The following KHDRBS3 variants were observed in gnomAD, a reference collection of about 807,000 sequenced individuals.
The protein encoded by KHDRBS3 is KH RNA binding domain containing, signal transduction associated 3.
KHDRBS3 carries 23 observed loss-of-function variants against 45.6 expected under a neutral mutation model. The observed-to-expected ratio is 0.50, with a 90% CI of 0.36 to 0.72. KHDRBS3 has a LOEUF of 0.72. Ranked by LOEUF, KHDRBS3 falls within the 30% of genes least tolerant of loss-of-function variation. The probability of loss-of-function intolerance (pLI) is 0.00; values close to 1 mark genes in which losing one functional copy is unlikely to be tolerated. For missense variants in KHDRBS3, 352 were observed against 424.8 expected (o/e 0.83, Z 1.51); for synonymous variants, 162 against 156.5 (o/e 1.04, Z -0.26).
chr8:135,489,676 A>G (rs1033622735), intron 1 of KHDRBS3, among the ~76,000 whole-genome samples: 8 of 152,196 alleles, frequency 5.3e-5, no homozygotes, highest in Non-Finnish European at 1.0e-4. Context: ...GCGAGACTCC[A>G]TCTCAAAACA....
At chr8:135,643,587 A>G (rs962901131) in intron 7 of KHDRBS3, among the ~76,000 whole-genome samples, 7 of 152,248 alleles carry the variant, frequency 4.6e-5, no homozygotes, top group Admixed American at 1.3e-4. Flanking sequence ...AAAAAGGAAC[A>G]TAGCTCCATT....
chr8:135,477,970 G>T (rs964543099), intron 1 of KHDRBS3, among the ~76,000 whole-genome samples: 2 of 152,198 alleles, frequency 1.3e-5, no homozygotes, highest in South Asian at 4.1e-4. Context: ...TACCACCTGA[G>T]CGCTGCCTCC....
chr8:135,520,343 C>T (rs1824844399), intron 1 of KHDRBS3, among the ~76,000 whole-genome samples: 1 of 152,070 alleles, frequency 6.6e-6, no homozygotes, highest in African/African-American at 2.4e-5. Context: ...CATGCAAGCA[C>T]CTAATTTTGT....
intron 5 of KHDRBS3, among the ~76,000 whole-genome samples, chr8:135,573,482 C>T (rs1472753091): frequency 1.3e-5 from 2 of 152,166 alleles, no homozygotes; most frequent in Admixed American, 1.3e-4. Context: ...TTACTACATG[C>T]CTGTTTTAGG....
chr8:135,556,568 T>G (rs1019882310), intron 4 of KHDRBS3, among the ~76,000 whole-genome samples: 11 of 152,216 alleles, frequency 7.2e-5, no homozygotes, highest in Non-Finnish European at 1.3e-4. Context: ...TTGCCCATTT[T>G]TTGATGGGGT....
chr8:135,557,535 C>T lies in KHDRBS3; in HGVS notation c.559C>T (p.Arg187Ter), dbSNP rs1826947996. Reference protein sequence around the residue: ...GSENADVPVVRGKPTLRTRGV... With the variant: ...GSENADVPVV ...AGAAAATGCAGATGTTCCAGTGGTT[C>T]GAGGGAAACCCACCTTGCGTACAAG... Residue 187 changes from arginine (R) to a stop codon, truncating the protein, a stop_gained, in exon 5 of 9, where the codon CGA (arginine) becomes TGA (stop). Transcript: ENST00000355849. LOFTEE classifies it high-confidence loss of function. 1.2e-6 allele frequency: 2 copies of T among 1,611,874 alleles called. No homozygotes were observed. Among genetic ancestry groups the T allele is most frequent in the Non-Finnish European group, 1.7e-6 (2 of 1,178,120 alleles).
intron 4 of KHDRBS3, among the ~76,000 whole-genome samples, chr8:135,653,362 T>G (rs889619683): frequency 2.6e-5 from 4 of 152,190 alleles, no homozygotes; most frequent in South Asian, 4.1e-4. Context: ...AGTGAACAAA[T>G]GAACCTGTAA....
At chr8:135,585,864 T>C (rs1285569175) in intron 6 of KHDRBS3, among the ~76,000 whole-genome samples, 1 of 152,190 alleles carries the variant, frequency 6.6e-6, no homozygotes, top group African/African-American at 2.4e-5. Flanking sequence ...AGAGACTTGA[T>C]AACATTGTTC....
intron 5 of KHDRBS3, among the ~76,000 whole-genome samples, chr8:135,574,474 T>A (rs1410960763): frequency 6.6e-6 from 1 of 152,166 alleles, no homozygotes; most frequent in Non-Finnish European, 1.5e-5. Flanking sequence ...TAACCAACAA[T>A]GTCAATGATC....
chr8:135,521,580 G>T (rs1824912520), intron 2 of KHDRBS3, among the ~76,000 whole-genome samples: 1 of 152,184 alleles, frequency 6.6e-6, no homozygotes, highest in African/African-American at 2.4e-5. Context: ...CAAACTAGCA[G>T]TGTGACTTTG....
At chr8:135,497,589 A>G (rs1488808080) in intron 1 of KHDRBS3, among the ~76,000 whole-genome samples, 3 of 152,212 alleles carry the variant, frequency 2.0e-5, no homozygotes, top group East Asian at 3.9e-4. Context: ...TCACAGGCAC[A>G]AATTATAAGG....
At chr8:135,489,112 A>G (rs1196728649) in intron 1 of KHDRBS3, among the ~76,000 whole-genome samples, 3 of 152,162 alleles carry the variant, frequency 2.0e-5, no homozygotes, top group Non-Finnish European at 4.4e-5. Context: ...ATTATTGTCA[A>G]ATTTTAGCTA....
At chr8:135,542,076 C>T (rs1331665725) in intron 2 of KHDRBS3, 1 of 152,126 alleles carries the variant, frequency 6.6e-6, no homozygotes, top group Non-Finnish European at 1.5e-5. Context: ...TGTTAAGGAA[C>T]CACAGACATC....
chr8:135,477,971 C>T (rs768562268), intron 1 of KHDRBS3, among the ~76,000 whole-genome samples: 8 of 152,166 alleles, frequency 5.3e-5, no homozygotes, highest in African/African-American at 9.7e-5. Flanking sequence ...ACCACCTGAG[C>T]GCTGCCTCCT....
intron 1 of KHDRBS3, 135 bp from the exon 2 acceptor site, chr8:135,521,102 T>G: frequency 1.6e-6 from 1 of 633,510 alleles, no homozygotes; most frequent in Non-Finnish European, 2.8e-6. Context: ...GGAAATGTAC[T>G]TGAAAACATT....
At chr8:135,534,291 C>T (rs982284790) in intron 2 of KHDRBS3, among the ~76,000 whole-genome samples, 1 of 151,890 alleles carries the variant, frequency 6.6e-6, no homozygotes, top group African/African-American at 2.4e-5. Flanking sequence ...CCAGTTAGAC[C>T]CCATATACCA....
intron 5 of KHDRBS3, among the ~76,000 whole-genome samples, chr8:135,558,000 A>T (rs1334006202): frequency 2.0e-5 from 3 of 152,116 alleles, no homozygotes; most frequent in Non-Finnish European, 4.4e-5. Flanking sequence ...TACTTCTTAA[A>T]TTTTTTTAAA....
chr8:135,539,553 T>A (rs1295516960), intron 2 of KHDRBS3: 1 of 152,228 alleles, frequency 6.6e-6, no homozygotes, highest in Non-Finnish European at 1.5e-5. Context: ...ATTCATCTAT[T>A]TATTACTTAC....
At chr8:135,625,050 C>T (rs1039837375) in intron 7 of KHDRBS3, 3 of 520,978 alleles carry the variant, frequency 5.8e-6, no homozygotes, top group Non-Finnish European at 1.0e-5. Flanking sequence ...CTGCAAAATG[C>T]ACTTTAACAA....
Sources: gnomAD v4.1 joint callset for allele counts (sites outside exome capture counted in the v4.1 genomes callset) on GRCh38, gnomAD v4.1.1 for gene constraint, MANE v1.5 for transcripts, NCBI Gene and HGNC (gene_info 2026-07-23, HGNC 2026-07-21) for gene names.